PTCD2: variants seen among roughly 807,000 people sequenced by gnomAD.
PTCD2 encodes pentatricopeptide repeat-containing protein 2, mitochondrial.
Under a neutral mutation model 42.6 loss-of-function variants are expected in PTCD2, and 31 were observed. That is an observed-to-expected ratio of 0.73 (90% CI 0.55 to 0.98). The LOEUF is 0.98. Ranked by LOEUF, PTCD2 falls within the 50% of genes least tolerant of loss-of-function variation. The pLI is 0.00. For missense variants in PTCD2, 476 were observed against 454.8 expected, an observed-to-expected ratio of 1.05 and a Z score of -0.42; for synonymous variants, 183 against 170.9, an observed-to-expected ratio of 1.07 and a Z score of -0.55.
rs1488087494 is a variant in PTCD2 at position 72,326,658 on chromosome 5, C to T, written c.267C>T (p.Leu89=). The T allele has an allele frequency of 3.1e-6, 5 of 1,614,116 alleles. No homozygotes were observed. The highest frequency in any genetic ancestry group is 1.7e-5 in the Admixed American group (1 of 60,022). Residue 89 remains leucine, a synonymous_variant, in exon 3 of 10, where the codon CTC becomes CTT. Transcript: ENST00000380639. ...NLKKKLTQNK[L]ILKGELITLL... ...AAAAGAAACTGACCCAGAACAAGCT[C>T]ATCTTGAAGGGGGAGTTGATAACCT...
chr5:72,325,226 T>G (rs891662366), intron 2 of PTCD2, among the ~76,000 whole-genome samples: 4 of 152,154 alleles, frequency 2.6e-5, no homozygotes, highest in African/African-American at 9.7e-5. Flanking sequence ...CCCGGCCTCT[T>G]AAGGTTTATT....
At chr5:72,327,754 G>A (rs1396065147) in intron 3 of PTCD2, among the ~76,000 whole-genome samples, 3 of 152,130 alleles carry the variant, frequency 2.0e-5, no homozygotes, top group Non-Finnish European at 4.4e-5. Flanking sequence ...TTACAGGCAT[G>A]AGCCACCACG....
Position 72,366,664 on chromosome 5 carries a change from G to A in PTCD2, c.*8237G>A, listed in dbSNP as rs745861742. ...CATAGCAGGCTAGACAGGAAAGGTA[G>A]CTGTAGATAGACTTTAGGGAGTATA... On this transcript the variant is annotated 3_prime_UTR_variant, in exon 10 of 10. Coordinates refer to ENST00000380639, the MANE Select transcript of PTCD2 (RefSeq NM_024754.5). 3.9e-5 allele frequency: 6 copies of A among 152,230 alleles called. No homozygotes were observed. Among genetic ancestry groups the A allele is most frequent in the Admixed American group, 6.5e-5 (1 of 15,278 alleles). The allele number at this position is 152,230 out of a possible 1,614,324, so 9.4% of individuals were successfully genotyped here.
At chr5:72,335,322 G>A (rs1050737235) in intron 5 of PTCD2, among the ~76,000 whole-genome samples, 4 of 151,984 alleles carry the variant, frequency 2.6e-5, no homozygotes, top group African/African-American at 4.8e-5. Flanking sequence ...GGTGGCGGGC[G>A]CCTGTAGTCC....
At chr5:72,335,756 G>A (rs1471555743) in intron 5 of PTCD2, 38 bp from the exon 6 acceptor site, 1 of 1,367,010 alleles carries the variant, frequency 7.3e-7, no homozygotes. Context: ...AACAGTAGAG[G>A]AACTCTAACA....
intron 2 of PTCD2, among the ~76,000 whole-genome samples, chr5:72,322,946 G>C (rs73102430): frequency 0.011 from 1,662 of 152,300 alleles, 29 homozygotes; most frequent in African/African-American, 0.038. Flanking sequence ...TTGAGCCAGG[G>C]AGTTTGAGAT....
chr5:72,357,755 AT>A (rs1752947784), intron 9 of PTCD2, among the ~76,000 whole-genome samples: 1 of 151,440 alleles, frequency 6.6e-6, no homozygotes, highest in Admixed American at 6.6e-5. Context: ...CTAATTTTGA[AT>A]TTTGTGTGTA....
chr5:72,335,317 C>T (rs898085270), intron 5 of PTCD2, among the ~76,000 whole-genome samples: 4 of 151,782 alleles, frequency 2.6e-5, no homozygotes, highest in East Asian at 1.9e-4. Context: ...GGCGCGGTGG[C>T]GGGCGCCTGT....
chr5:72,320,431 C>G lies in PTCD2; in HGVS notation c.49C>G (p.Leu17Val). ...TGCATTTCGGCCCTCGAATCGAGTT[C>G]TCCTGCAGGCGCTGCAGATTTTGGT... ...AAAFRPSNRV[L>V]LQALQILVYP... The change falls in exon 1 of 10, where the codon CTC becomes GTC. Residue 17 changes from leucine (L) to valine (V), a missense_variant. Transcript: ENST00000380639. The G allele has an allele frequency of 6.2e-7, 1 of 1,614,116 alleles. No individual in the cohort carries two copies. The highest frequency in any genetic ancestry group is 8.5e-7 in the Non-Finnish European group (1 of 1,180,024).
At chr5:72,329,398 T>C (rs1751316819) in intron 3 of PTCD2, among the ~76,000 whole-genome samples, 1 of 152,220 alleles carries the variant, frequency 6.6e-6, no homozygotes, top group South Asian at 2.1e-4. Context: ...ACCCTCGTTA[T>C]GTTGACCAAA....
chr5:72,352,666 T>A lies in PTCD2; in HGVS notation c.854T>A (p.Met285Lys), dbSNP rs146867053. The change falls in exon 9 of 10, where the codon ATG (methionine) becomes AAG (lysine). Residue 285 changes from methionine (M) to lysine (K), a missense_variant. By Grantham distance (95) the Met-to-Lys change is moderately conservative. Coordinates refer to ENST00000380639, the MANE Select transcript of PTCD2 (RefSeq NM_024754.5). ...LNIIIHIQSN[M>K]LENLIKTLKN... is the part of the protein sequence containing the mutation. ...ATTATAATCCATATCCAGTCAAATATGTTGGAAAACCTGATAAAGACTCTA... is the reference window on the plus strand; with the variant it reads ...ATTATAATCCATATCCAGTCAAATAAGTTGGAAAACCTGATAAAGACTCTA... The A allele has an allele frequency of 6.2e-5, 99 of 1,584,032 alleles. No individual in the cohort carries two copies. The African/African-American group carries it at 1.0e-3, about 17-fold the overall frequency.
chr5:72,336,236 T>C (rs1016924545), intron 6 of PTCD2, among the ~76,000 whole-genome samples: 3 of 152,204 alleles, frequency 2.0e-5, no homozygotes, highest in Non-Finnish European at 4.4e-5. Context: ...GCTTCCTTCA[T>C]TGGTGAGCTC....
At chr5:72,341,549 A>G (rs1005171932) in intron 7 of PTCD2, among the ~76,000 whole-genome samples, 11 of 152,054 alleles carry the variant, frequency 7.2e-5, no homozygotes, top group African/African-American at 2.7e-4. Context: ...CCAAGACAAC[A>G]TAGGGAGACC....
intron 6 of PTCD2, among the ~76,000 whole-genome samples, chr5:72,337,420 A>C (rs541454729): frequency 1.6e-3 from 238 of 152,036 alleles, no homozygotes; most frequent in Admixed American, 3.3e-3. Flanking sequence ...AGCATCACTT[A>C]TTCAGCATTG....
intron 3 of PTCD2, among the ~76,000 whole-genome samples, chr5:72,329,168 A>C (rs77284649): frequency 0.056 from 8,552 of 152,302 alleles, 771 homozygotes; most frequent in African/African-American, 0.19. Context: ...TATTCAAAGT[A>C]TGACTTAGTT....
At chr5:72,347,528 A>T (rs985576579) in intron 8 of PTCD2, among the ~76,000 whole-genome samples, 2 of 152,126 alleles carry the variant, frequency 1.3e-5, no homozygotes, top group South Asian at 2.1e-4. Flanking sequence ...TCTACTGAAA[A>T]TACAAAAATT....
At chr5:72,327,011 C>T (rs1561376832) in intron 3 of PTCD2, among the ~76,000 whole-genome samples, 1 of 152,190 alleles carries the variant, frequency 6.6e-6, no homozygotes, top group Non-Finnish European at 1.5e-5. Context: ...TGACATATCC[C>T]CTAGGTCTTC....
chr5:72,333,948 C>G (rs958897976), intron 4 of PTCD2, among the ~76,000 whole-genome samples: 4 of 152,136 alleles, frequency 2.6e-5, no homozygotes, highest in African/African-American at 9.7e-5. Flanking sequence ...TCTCATAACT[C>G]TTGGGTTCAA....
intron 7 of PTCD2, among the ~76,000 whole-genome samples, chr5:72,341,347 T>C (rs1028867412): frequency 1.3e-5 from 2 of 152,142 alleles, no homozygotes; most frequent in Non-Finnish European, 2.9e-5. Flanking sequence ...CCAGTTATTT[T>C]CTTAATTTTG....
Sources: gnomAD v4.1 joint callset for allele counts (sites outside exome capture counted in the v4.1 genomes callset) on GRCh38, gnomAD v4.1.1 for gene constraint, MANE v1.5 for transcripts, NCBI Gene and HGNC (gene_info 2026-07-23, HGNC 2026-07-21) for gene names.